CCDC171: variants seen among roughly 807,000 people sequenced by gnomAD.
CCDC171 encodes the protein coiled-coil domain containing 171.
CCDC171 carries 177 observed loss-of-function variants against 168.2 expected under a neutral mutation model. That is an observed-to-expected ratio of 1.05 (90% CI 0.93 to 1.19). The LOEUF is 1.19. CCDC171 is among the 50% of genes most tolerant of loss of function. The pLI is 0.00. For missense variants in CCDC171, 1,991 were observed against 1,539.0 expected, an observed-to-expected ratio of 1.29 and a Z score of -4.91; for synonymous variants, 687 against 540.8, an observed-to-expected ratio of 1.27 and a Z score of -3.75.
intron 11 of CCDC171, among the ~76,000 whole-genome samples, chr9:15,718,046 C>T (rs2053206990): frequency 6.6e-6 from 1 of 152,174 alleles, no homozygotes; most frequent in Non-Finnish European, 1.5e-5. Context: ...TCCTTGATTC[C>T]AGGCCTTGGC....
chr9:16,094,355 A>G, the CCDC171 span, among the ~76,000 whole-genome samples: 11 of 152,228 alleles, frequency 7.2e-5, no homozygotes, highest in African/African-American at 2.7e-4. Flanking sequence ...CTGTCTCAAA[A>G]TGGTTCATGT....
chr9:15,572,748 C>T (rs1010540122), intron 3 of CCDC171, among the ~76,000 whole-genome samples: 1 of 152,124 alleles, frequency 6.6e-6, no homozygotes, highest in Non-Finnish European at 1.5e-5. Flanking sequence ...TCATGCTTTC[C>T]TGCTCTTCTT....
chr9:15,908,912 G>C (rs1454044724), intron 24 of CCDC171, among the ~76,000 whole-genome samples: 2 of 152,140 alleles, frequency 1.3e-5, no homozygotes, highest in Non-Finnish European at 2.9e-5. Flanking sequence ...CCCGCTTCCA[G>C]CACTGGGGAT....
chr9:15,594,087 A>G lies in CCDC171; in HGVS notation c.590A>G (p.His197Arg). ...HQREKNEMES[H>R]IRETALEEFR... ...CGGGAGAAGAATGAGATGGAGTCTC[A>G]TATCAGGGAGACAGCATTGGAGGAG... The change falls in exon 6 of 26, where the codon CAT (histidine) becomes CGT (arginine). Residue 197 changes from histidine to arginine, a missense_variant. Transcript: ENST00000380701. 2.5e-6 allele frequency: 4 copies of G among 1,580,010 alleles called. No homozygotes were observed. The highest frequency in any genetic ancestry group is 2.3e-5 in the East Asian group (1 of 44,316).
rs116737570 is a variant in CCDC171 at position 15,859,464 on chromosome 9, C to T, written c.3468+10517C>T. On this transcript the variant is annotated intron_variant, in intron 23 of 25. Coordinates refer to ENST00000380701, the MANE Select transcript of CCDC171 (RefSeq NM_173550.4). ...TTTGGAGGAGTTTGAAAATCATTAA[C>T]ATTAATTATTTAATTGTTTTATAGA... Among the ~76,000 whole-genome samples, 883 of 151,746 alleles carry T rather than the reference C, an allele frequency of 5.8e-3. 13 individuals are homozygous for T. Among genetic ancestry groups the T allele is most frequent in the African/African-American group, 0.021 (852 of 41,342 alleles).
intron 10 of CCDC171, among the ~76,000 whole-genome samples, chr9:15,691,954 G>T (rs1320381563): frequency 6.6e-6 from 1 of 152,152 alleles, no homozygotes. Context: ...GATTACAAGA[G>T]TGAGCCATTG....
At chr9:15,763,480 T>A (rs551420455) in intron 18 of CCDC171, among the ~76,000 whole-genome samples, 1 of 152,306 alleles carries the variant, frequency 6.6e-6, no homozygotes, top group Admixed American at 6.5e-5. Flanking sequence ...AGAGTTAGCA[T>A]AAACTATCAG....
At chr9:15,797,960 A>C (rs1180816380) in intron 21 of CCDC171, among the ~76,000 whole-genome samples, 1 of 151,934 alleles carries the variant, frequency 6.6e-6, no homozygotes, top group Non-Finnish European at 1.5e-5. Context: ...GTGTGTGTTT[A>C]TTTCTTTATT....
At chr9:15,946,299 G>C (rs1299678049) in intron 25 of CCDC171, among the ~76,000 whole-genome samples, 1 of 151,866 alleles carries the variant, frequency 6.6e-6, no homozygotes, top group African/African-American at 2.4e-5. Flanking sequence ...ATCTCCTTAA[G>C]CTGATAAGCA....
At chr9:15,730,366 A>G (rs2054078821) in intron 16 of CCDC171, among the ~76,000 whole-genome samples, 1 of 151,988 alleles carries the variant, frequency 6.6e-6, no homozygotes, top group Non-Finnish European at 1.5e-5. Flanking sequence ...TTATGGGTTA[A>G]CATAACCATG....
intron 6 of CCDC171, among the ~76,000 whole-genome samples, chr9:15,600,351 A>T (rs1003213270): frequency 2.0e-5 from 3 of 152,054 alleles, no homozygotes; most frequent in Non-Finnish European, 4.4e-5. Flanking sequence ...TTTTCCTTCT[A>T]ACAGTCAGGA....
chr9:15,974,240 T>A (rs187579914), downstream of CCDC171, among the ~76,000 whole-genome samples: 20 of 152,132 alleles, frequency 1.3e-4, 1 homozygote, highest in East Asian at 3.3e-3. Flanking sequence ...TTATACCATA[T>A]GCTTTTTTCC....
At chr9:16,036,827 C>G (rs1564130294) in intron 8 of CCDC171, among the ~76,000 whole-genome samples, 1 of 137,848 alleles carries the variant, frequency 7.3e-6, no homozygotes, top group East Asian at 2.6e-4. Flanking sequence ...ACATGTGATT[C>G]TATACTATTC....
At chr9:16,019,444 A>T (rs1833105942) in intron 3 of CCDC171, among the ~76,000 whole-genome samples, 1 of 152,204 alleles carries the variant, frequency 6.6e-6, no homozygotes, top group Non-Finnish European at 1.5e-5. Context: ...TGTTAGGAAG[A>T]TAGAAGGCTA....
At chr9:15,644,100 C>T (rs1205931581) in intron 7 of CCDC171, among the ~76,000 whole-genome samples, 6 of 152,132 alleles carry the variant, frequency 3.9e-5, no homozygotes, top group African/African-American at 1.4e-4. Context: ...AATGTAATTG[C>T]TGGGTCATAT....
rs1554762228 is a variant in CCDC171, at chr9:15,691,546, T to TATAGA, written c.1216-3689_1216-3688insATAGA. ...AAAAATACCTGTAAATATATGTTTT[T>TATAGA]TATATATATATATATATATATATAT... On this transcript the variant is annotated intron_variant, in intron 10 of 25. Coordinates refer to ENST00000380701, the MANE Select transcript of CCDC171 (RefSeq NM_173550.4). Among the ~76,000 whole-genome samples, 22 of 106,396 alleles carry TATAGA rather than the reference T, an allele frequency of 2.1e-4. 1 individual carries two copies. The highest frequency in any genetic ancestry group is 8.6e-4 in the African/African-American group (22 of 25,630). The allele number at this position is 106,396 out of a possible 152,430, so 69.8% of individuals were successfully genotyped here.
At position 15,783,267 on chromosome 9, in the gene CCDC171, A is replaced by G. The variant is rs189044671; in HGVS notation, c.3082-1242A>G. 4.5e-4 allele frequency among the ~76,000 whole-genome samples: 68 copies of G among 152,296 alleles called. 1 individual carries two copies. In the East Asian group the frequency reaches 0.013, roughly 28 times the overall value. Reference sequence around the variant, plus strand: ...ATTGCATGCTTGCTGTTGTTGGCCCACGAGGAAACTGTGACTATGCACATT... The same window carrying G: ...ATTGCATGCTTGCTGTTGTTGGCCCGCGAGGAAACTGTGACTATGCACATT... On this transcript the variant is annotated intron_variant, in intron 20 of 25. Transcript: ENST00000380701.
chr9:15,582,301 G>C (rs1000266457), intron 4 of CCDC171, among the ~76,000 whole-genome samples: 1 of 152,216 alleles, frequency 6.6e-6, no homozygotes, highest in Non-Finnish European at 1.5e-5. Flanking sequence ...AGGAGATGTG[G>C]AGAAATAGGA....
At chr9:16,089,967 T>A in the CCDC171 span, among the ~76,000 whole-genome samples, 1 of 152,200 alleles carries the variant, frequency 6.6e-6, no homozygotes, top group African/African-American at 2.4e-5. Flanking sequence ...TTGACACTGT[T>A]GATGGGTGTG....
Sources: allele counts gnomAD v4.1 joint callset (sites outside exome capture counted in the v4.1 genomes callset), GRCh38; gene constraint gnomAD v4.1.1; transcripts MANE v1.5; gene names NCBI Gene and HGNC (gene_info 2026-07-23, HGNC 2026-07-21).